Variants in CORO1A observed in about 807,000 individuals in gnomAD.
CORO1A encodes coronin-1A.
In CORO1A, 17 loss-of-function variants were observed where a neutral mutation model predicts 44.1. That is an observed-to-expected ratio of 0.39 (90% CI 0.26 to 0.58). CORO1A has a LOEUF of 0.58. CORO1A is among the 20% of genes least tolerant of loss of function. The probability of loss-of-function intolerance (pLI) is 0.62; values close to 1 mark genes in which losing one functional copy is unlikely to be tolerated. For synonymous variants in CORO1A, 271 were observed against 244.2 expected (o/e 1.11, Z -1.02); for missense variants, 415 against 606.5 (o/e 0.68, Z 3.32).
rs767306235 is a variant in CORO1A at position 30,188,354 on chromosome 16, C to T, written c.1066-7C>T. On this transcript the variant is annotated splice_region_variant and splice_polypyrimidine_tract_variant and intron_variant, in intron 9 of 10. Transcript: ENST00000219150. ...GCTTTCCTCACTATCCCTGGCCTTG[C>T]CCACAGTCGGACCTGTTCCAGGAGG... is the stretch of plus-strand genomic sequence containing the variant. 1.4e-5 allele frequency: 22 copies of T among 1,613,696 alleles called. No homozygotes were observed. The highest frequency in any genetic ancestry group is 1.6e-5 in the Non-Finnish European group (19 of 1,179,906).
chr16:30,185,447 G>A (rs762756961), intron 2 of CORO1A, 40 bp downstream of exon 2: 80 of 1,573,330 alleles, frequency 5.1e-5, no homozygotes, highest in South Asian at 3.3e-4. Context: ...CTCCTCCACC[G>A]GACCCATGGC....
chr16:30,188,065 G>T lies in CORO1A; in HGVS notation c.985G>T (p.Val329Leu). The T allele has an allele frequency of 6.2e-7, 1 of 1,613,780 alleles. No individual in the cohort carries two copies. Among genetic ancestry groups the T allele is most frequent in the Non-Finnish European group, 8.5e-7 (1 of 1,180,024 alleles). ...MGYMPKRGLEVNKCEIARFYK... is the reference protein window; with the variant it reads ...MGYMPKRGLELNKCEIARFYK... ...CTACATGCCCAAACGTGGCCTGGAG[G>T]TGAACAAGTGTGAGATCGCCAGGTG... The change falls in exon 8 of 11, where the codon GTG becomes TTG. Residue 329 changes from valine to leucine, a missense_variant. Transcript: ENST00000219150.
At chr16:30,186,503 C>A in intron 2 of CORO1A, 95 bp from the exon 3 acceptor site, 2 of 1,486,100 alleles carry the variant, frequency 1.3e-6, no homozygotes, top group Non-Finnish European at 1.9e-6. Context: ...AGGGACACCA[C>A]AGCTTTCCTC....
Position 30,188,169 on chromosome 16 carries a change from C to T in CORO1A, c.1008-23C>T, listed in dbSNP as rs370658651. 6.9e-5 allele frequency: 111 copies of T among 1,613,850 alleles called. No homozygotes were observed. In the Admixed American group the frequency reaches 7.7e-4, roughly 11 times the overall value. On this transcript the variant is annotated intron_variant, in intron 8 of 10. Coordinates refer to ENST00000219150, the MANE Select transcript of CORO1A (RefSeq NM_007074.4). ...GCCCACCCAACCAGACTGTGGGCCC[C>T]GCTCACCTTCCCCTTCCCACAGGTT...
rs1456321543 is a variant in CORO1A at position 30,186,865 on chromosome 16, T to C, written c.371T>C (p.Val124Ala). The C allele has an allele frequency of 4.3e-6, 7 of 1,611,928 alleles. No individual in the cohort carries two copies. The Admixed American group carries it at 1.0e-4, about 23-fold the overall frequency. ...GGLMLPLREP[V>A]VTLEGHTKRV... ...CTGATGCTGCCCCTGCGGGAGCCCG[T>C]CGTCACCCTGGAGGGCCACACCAAG... Residue 124 changes from valine to alanine, a missense_variant, in exon 4 of 11, where the codon GTC (valine) becomes GCC (alanine). By Grantham distance (64) the Val-to-Ala change is moderately conservative. Around this residue, in one of 2 missense-constraint regions of CORO1A, gnomAD observed 325 missense variants for 521.7 expected, o/e 0.62. Coordinates refer to ENST00000219150, the MANE Select transcript of CORO1A (RefSeq NM_007074.4).
rs557170757 is a variant in CORO1A, at chr16:30,188,531, C to T, written c.1236C>T (p.Thr412=). ...RELRVNRGLD[T]GRRRAAPEAS... ...TGAGGGTCAACCGGGGCCTGGACAC[C>T]GGGCGCAGGAGGGCAGCACCAGAGG... The change falls in exon 10 of 11, where the codon ACC becomes ACT. Residue 412 remains threonine, a synonymous_variant. Coordinates refer to ENST00000219150, the MANE Select transcript of CORO1A (RefSeq NM_007074.4). The T allele has an allele frequency of 1.1e-5, 15 of 1,376,964 alleles. No homozygotes were observed. The highest frequency in any genetic ancestry group is 4.5e-5 in the African/African-American group (3 of 66,782). The allele number at this position is 1,376,964 out of a possible 1,614,324, so 85.3% of individuals were successfully genotyped here.
In CORO1A at chr16:30,187,509, C is replaced by G; in HGVS notation, c.756+8C>G. 6.2e-7 allele frequency: 1 copy of G among 1,601,568 alleles called. No individual in the cohort carries two copies. The highest frequency in any genetic ancestry group is 8.5e-7 in the Non-Finnish European group (1 of 1,179,328). On this transcript the variant is annotated splice_region_variant and intron_variant, in intron 6 of 10. Transcript: ENST00000219150. ...GTGGCGCTGTGGGACACAGTGAGTG[C>G]TGGGGCAGGAAGCCGAGGGCCCCCA...
chr16:30,188,576 G>A lies in CORO1A; in HGVS notation c.1281G>A (p.Ser427=), dbSNP rs2073377701. Residue 427 remains serine, a splice_region_variant and synonymous_variant, in exon 10 of 11, where the codon TCG becomes TCA. Coordinates refer to ENST00000219150, the MANE Select transcript of CORO1A (RefSeq NM_007074.4). ...AAPEASGTPS[S]DAVSRLEEEM... ...CAGAGGCCAGTGGCACTCCCAGCTC[G>A]GTGAGAGGGCTGGGAAGCCAGGGAA... 2 of 1,591,694 alleles carry A rather than the reference G, an allele frequency of 1.3e-6. No homozygotes were observed. Among genetic ancestry groups the A allele is most frequent in the Non-Finnish European group, 8.6e-7 (1 of 1,168,406 alleles).
chr16:30,187,697 G>A lies in CORO1A; in HGVS notation c.757-28G>A, dbSNP rs1443632362. Reference sequence around the variant, plus strand: ...GGGAAGACCACCATCCCAGGGCCTGGGATGTTACCTCTCACCTGTGTCTAC... The same window carrying A: ...GGGAAGACCACCATCCCAGGGCCTGAGATGTTACCTCTCACCTGTGTCTAC... On this transcript the variant is annotated intron_variant, in intron 6 of 10. Transcript: ENST00000219150. The A allele has an allele frequency of 3.2e-6, 5 of 1,562,654 alleles. No homozygotes were observed. The Admixed American group carries it at 6.7e-5, about 21-fold the overall frequency.
intron 1 of CORO1A, 36 bp from the exon 2 acceptor site, chr16:30,185,173 T>C: frequency 1.9e-6 from 3 of 1,608,820 alleles, no homozygotes; most frequent in Non-Finnish European, 2.6e-6. Flanking sequence ...AGAGTTGACC[T>C]GAAGGGAGAA....
chr16:30,185,747 G>A (rs1010113783), intron 2 of CORO1A: 12 of 369,330 alleles, frequency 3.2e-5, no homozygotes, highest in Non-Finnish European at 6.1e-5. Flanking sequence ...CCCTGGCAGC[G>A]TTCTCAGGGT....
intron 7 of CORO1A, 36 bp downstream of exon 7, chr16:30,187,865 G>T: frequency 3.9e-6 from 2 of 513,368 alleles, no homozygotes. Flanking sequence ...TGGGAGGTGG[G>T]CAGGATGGGC....
In CORO1A at chr16:30,188,927, G is replaced by A; in HGVS notation, c.1349G>A (p.Arg450His). Residue 450 changes from arginine (R) to histidine (H), a missense_variant, in exon 11 of 11, where the codon CGC becomes CAC. Transcript: ENST00000219150. ...GCCACGGTGCAGGAGCTCCAGAAGC[G>A]CTTGGACAGGCTGGAGGAGACAGTC... ...LQATVQELQK[R>H]LDRLEETVQA... 1 of 299,812 alleles carries A rather than the reference G, an allele frequency of 3.3e-6. No homozygotes were observed. The highest frequency in any genetic ancestry group is 5.7e-6 in the Non-Finnish European group (1 of 173,986). 18.6% of individuals were successfully genotyped at this position (299,812 alleles called of 1,614,324 possible).
In CORO1A at chr16:30,187,492, G is replaced by A. The variant is rs772251544; in HGVS notation, c.747G>A (p.Leu249=). 6.2e-6 allele frequency: 10 copies of A among 1,604,194 alleles called. No homozygotes were observed. The East Asian group carries it at 2.0e-4, about 32-fold the overall frequency. Residue 249 remains leucine, a synonymous_variant, in exon 6 of 11, where the codon CTG becomes CTA. Transcript: ENST00000219150. ...FSRMSERQVA[L]WDTKHLEEPL... ...GCATGAGTGAGCGGCAGGTGGCGCT[G>A]TGGGACACAGTGAGTGCTGGGGCAG...
At position 30,185,386 on chromosome 16, in the gene CORO1A, C is replaced by T. The variant is rs1234099725; in HGVS notation, c.177C>T (p.Phe59=). Residue 59 remains phenylalanine (F), a synonymous_variant, in exon 2 of 11, where the codon TTC becomes TTT. Coordinates refer to ENST00000219150, the MANE Select transcript of CORO1A (RefSeq NM_007074.4). The part of the protein sequence containing the change: ...LICEASGGGA[F]LVLPLGKTGR... ...GTGAGGCCAGCGGGGGAGGGGCCTT[C>T]CTGGTGCTGCCCCTGGGCAAGGTGA... The T allele has an allele frequency of 6.2e-7, 1 of 1,613,666 alleles. No homozygotes were observed. Among genetic ancestry groups the T allele is most frequent in the Non-Finnish European group, 8.5e-7 (1 of 1,180,000 alleles).
intron 2 of CORO1A, chr16:30,185,663 T>C (rs2073325253): frequency 1.8e-6 from 1 of 558,610 alleles, no homozygotes; most frequent in Non-Finnish European, 3.2e-6. Flanking sequence ...AGACCCATGA[T>C]CAGCCCTCCT....
At position 30,188,408 on chromosome 16, in the gene CORO1A, C is replaced by A; in HGVS notation, c.1113C>A (p.Asp371Glu). 1.2e-6 allele frequency: 2 copies of A among 1,613,790 alleles called. No individual in the cohort carries two copies. Among genetic ancestry groups the A allele is most frequent in the Non-Finnish European group, 1.7e-6 (2 of 1,180,002 alleles). The change falls in exon 10 of 11, where the codon GAC becomes GAA. Residue 371 changes from aspartate (D) to glutamate (E), a missense_variant. This residue lies in a region of CORO1A where 90 missense variants were observed against 84.7 expected (regional missense o/e 1.06). Coordinates refer to ENST00000219150, the MANE Select transcript of CORO1A (RefSeq NM_007074.4). ...TGTACCCACCCACCGCAGGGCCCGA[C>A]CCTGCCCTCACGGCTGAGGAGTGGC... The part of the protein sequence containing the change: ...EDLYPPTAGP[D>E]PALTAEEWLG...
rs1445683226 is a variant in CORO1A, at chr16:30,185,413, C to T, written c.198+6C>T. On this transcript the variant is annotated splice_donor_region_variant and intron_variant, in intron 2 of 10. Transcript: ENST00000219150. ...TGGTGCTGCCCCTGGGCAAGGTGAGCCCCTGGGGCCCTGGGGGGAGCAGCT... is the reference window on the plus strand; with the variant it reads ...TGGTGCTGCCCCTGGGCAAGGTGAGTCCCTGGGGCCCTGGGGGGAGCAGCT... 1.9e-6 allele frequency: 3 copies of T among 1,611,824 alleles called. No homozygotes were observed. Among genetic ancestry groups the T allele is most frequent in the Admixed American group, 1.7e-5 (1 of 59,954 alleles).
chr16:30,187,630 T>G, intron 6 of CORO1A, 95 bp from the exon 7 acceptor site: 2 of 1,484,980 alleles, frequency 1.3e-6, no homozygotes, highest in Non-Finnish European at 1.8e-6. Context: ...AGATGGTTGT[T>G]CCCACTGGTT....
Sources: gnomAD v4.1 joint callset for allele counts on GRCh38, gnomAD v4.1.1 for gene constraint, gnomAD v4.1.1 regional missense constraint, MANE v1.5 for transcripts, NCBI Gene and HGNC (gene_info 2026-07-23, HGNC 2026-07-21) for gene names.